The following ERCC8 variants were observed in gnomAD, a reference collection of about 807,000 sequenced individuals.
The protein encoded by ERCC8 is ERCC excision repair 8, CSA ubiquitin ligase complex subunit, also known as DNA excision repair protein ERCC-8.
ERCC8 carries 52 observed loss-of-function variants against 54.9 expected under a neutral mutation model. The ratio of observed to expected loss-of-function variants is 0.95; its 90% CI spans 0.76 to 1.19. ERCC8 has a LOEUF of 1.19. ERCC8 is among the 50% of genes most tolerant of loss of function. ERCC8 has a pLI of 0.00. For missense variants in ERCC8, 514 were observed against 466.1 expected (o/e 1.10, Z -0.95); for synonymous variants, 146 against 157.2 (o/e 0.93, Z 0.53).
chr5:60,922,585 T>C (rs1171133294), intron 2 of ERCC8, among the ~76,000 whole-genome samples: 16 of 152,076 alleles, frequency 1.1e-4, no homozygotes, highest in Admixed American at 1.0e-3. Flanking sequence ...ACTCAACATT[T>C]GTAAAGGAGG....
At chr5:60,930,874 A>G (rs566820151) in intron 1 of ERCC8, among the ~76,000 whole-genome samples, 47 of 152,302 alleles carry the variant, frequency 3.1e-4, no homozygotes, top group Non-Finnish European at 5.1e-4. Flanking sequence ...TGGGAGGCCA[A>G]GGAGGCCGGA....
At position 60,904,650 on chromosome 5, in the gene ERCC8, AT is replaced by A; in HGVS notation, c.481+141del. ...TGTGTGTGTGTATATATATATATAT[AT>A]ATATATATATATATATATATATATA... is the stretch of plus-strand genomic sequence containing the variant. On this transcript the variant is annotated intron_variant, in intron 5 of 11. Coordinates refer to ENST00000676185, the MANE Select transcript of ERCC8 (RefSeq NM_000082.4). 8.6e-5 allele frequency: 8 copies of A among 92,862 alleles called. 4 individuals carry two copies. In the South Asian group the frequency reaches 1.3e-3, roughly 15 times the overall value. 5.8% of individuals were successfully genotyped at this position (92,862 alleles called of 1,614,324 possible).
chr5:60,919,609 T>C (rs1032317118), intron 3 of ERCC8: 4 of 152,092 alleles, frequency 2.6e-5, no homozygotes, highest in African/African-American at 9.7e-5. Context: ...AATATTCATA[T>C]ATTTTAACTA....
At chr5:60,899,497 G>A in intron 8 of ERCC8, 130 bp downstream of exon 8, 4 of 677,976 alleles carry the variant, frequency 5.9e-6, no homozygotes, top group South Asian at 1.6e-5. Context: ...AGTGATATAC[G>A]ATGAATGCCT....
chr5:60,881,646 G>A (rs756373005), intron 11 of ERCC8, among the ~76,000 whole-genome samples: 4 of 152,178 alleles, frequency 2.6e-5, no homozygotes, highest in South Asian at 2.1e-4. Flanking sequence ...TGTGGGCGTC[G>A]GACCCTCCGA....
chr5:60,903,694 T>C lies in ERCC8; in HGVS notation c.504A>G (p.Val168=), dbSNP rs35366433. 1,677 of 1,612,736 alleles carry C rather than the reference T, an allele frequency of 1.0e-3. 20 individuals carry two copies. The African/African-American group carries it at 0.02, about 19-fold the overall frequency. ...LVAVGTRGPK[V]QLCDLKSGSC... ...ATCCAGACTTCAAGTCACAAAGTTGTACTTTGGGTCCTCTAGTACCAACTG... is the reference window on the plus strand; with the variant it reads ...ATCCAGACTTCAAGTCACAAAGTTGCACTTTGGGTCCTCTAGTACCAACTG... Residue 168 remains valine (V), a synonymous_variant, in exon 6 of 12, where the codon GTA becomes GTG. Coordinates refer to ENST00000676185, the MANE Select transcript of ERCC8 (RefSeq NM_000082.4).
At chr5:60,925,552 C>A (rs906927286) in intron 2 of ERCC8, among the ~76,000 whole-genome samples, 1 of 152,216 alleles carries the variant, frequency 6.6e-6, no homozygotes, top group African/African-American at 2.4e-5. Context: ...AAGTTTTCAA[C>A]CAACCTGTTG....
intron 4 of ERCC8, among the ~76,000 whole-genome samples, chr5:60,907,739 C>G (rs944523617): frequency 1.5e-4 from 23 of 152,282 alleles, no homozygotes; most frequent in African/African-American, 5.5e-4. Flanking sequence ...CATCTTAACA[C>G]CGCTTCCCTA....
rs1747874327 is a variant in ERCC8 at position 60,872,058 on chromosome 5, C to T, written c.*2557G>A. On this transcript the variant is annotated 3_prime_UTR_variant, in exon 12 of 12. Transcript: ENST00000676185. The stretch of plus-strand genomic sequence containing the variant: ...CTCAAGTGATCTGCCTGTCTCAGCT[C>T]ACAAAGTGTTAGGATTACAACCACC... 6.6e-6 allele frequency among the ~76,000 whole-genome samples: 1 copy of T among 152,144 alleles called. No homozygotes were observed. The highest frequency in any genetic ancestry group is 1.5e-5 in the Non-Finnish European group (1 of 68,032).
chr5:60,888,213 TTG>T (rs1422902494), intron 10 of ERCC8, among the ~76,000 whole-genome samples: 6 of 152,214 alleles, frequency 3.9e-5, no homozygotes, highest in African/African-American at 1.4e-4. Flanking sequence ...CATGGTATAA[TTG>T]TGTTTTTTAT....
chr5:60,870,421 G>T lies in ERCC8; in HGVS notation c.*4194C>A, dbSNP rs1468818953. ...GCACTTTGGGAGGCCGAGGCTGGTG[G>T]ATCACTAGAGCCCAGGAGTTCAAGA... On this transcript the variant is annotated 3_prime_UTR_variant, in exon 12 of 12. Transcript: ENST00000676185. Among the ~76,000 whole-genome samples, 1 of 141,576 alleles carries T rather than the reference G, an allele frequency of 7.1e-6. No homozygotes were observed. Among genetic ancestry groups the T allele is most frequent in the East Asian group, 2.1e-4 (1 of 4,754 alleles). 92.9% of individuals were successfully genotyped at this position (141,576 alleles called of 152,430 possible). A position where few individuals can be genotyped will look rare whatever the true frequency, so the allele number is the denominator to read the frequency against.
In ERCC8 at chr5:60,893,419, CTTT is replaced by C. The variant is rs1748626715; in HGVS notation, c.844-2336_844-2334del. 1.2e-5 allele frequency: 11 copies of C among 914,216 alleles called. No individual in the cohort carries two copies. In the Middle Eastern group the frequency reaches 6.6e-4, roughly 55 times the overall value. The allele number at this position is 914,216 out of a possible 1,614,324, so 56.6% of individuals were successfully genotyped here. ...TCTCCCTCATCTCCTCAACCCTCTTCTTTATTTCAGCCTCTCGATTGGCATGAT... is the reference window on the plus strand; with the variant it reads ...TCTCCCTCATCTCCTCAACCCTCTTCATTTCAGCCTCTCGATTGGCATGAT... On this transcript the variant is annotated intron_variant, in intron 9 of 11. Transcript: ENST00000676185.
chr5:60,934,796 C>G (rs1490496714), intron 1 of ERCC8, among the ~76,000 whole-genome samples: 1 of 152,178 alleles, frequency 6.6e-6, no homozygotes, highest in Non-Finnish European at 1.5e-5. Context: ...TGCCAATTGT[C>G]CCAGGACTAT....
At chr5:60,909,275 A>AAAAAAAAAAC (rs1749180209) in intron 4 of ERCC8, among the ~76,000 whole-genome samples, 1 of 107,998 alleles carries the variant, frequency 9.3e-6, no homozygotes, top group African/African-American at 3.2e-5. Context: ...AAAAAAAAAA[A>AAAAAAAAAAC]AAAGCCACAA....
chr5:60,883,002 C>T (rs1748287233), intron 11 of ERCC8, among the ~76,000 whole-genome samples: 1 of 151,474 alleles, frequency 6.6e-6, no homozygotes, highest in African/African-American at 2.4e-5. Context: ...CACACACACA[C>T]ACATGTCTGT....
At chr5:60,938,040 CATACATACATATAT>C (rs1453375636) in intron 1 of ERCC8, among the ~76,000 whole-genome samples, 148 of 32,448 alleles carry the variant, frequency 4.6e-3, no homozygotes, top group Middle Eastern at 0.029. Context: ...TACATACATA[CATACATACATATAT>C]ATATATATAT....
chr5:60,875,139 A>G (rs1747960509), intron 11 of ERCC8, among the ~76,000 whole-genome samples: 1 of 152,250 alleles, frequency 6.6e-6, no homozygotes, highest in African/African-American at 2.4e-5. Context: ...ACTTTTATAA[A>G]TAAACAAATA....
At chr5:60,902,654 GAT>G (rs1455485011) in intron 6 of ERCC8, 146 bp from the exon 7 acceptor site, 26 of 697,068 alleles carry the variant, frequency 3.7e-5, no homozygotes, top group African/African-American at 3.5e-4. Flanking sequence ...TATAATAATC[GAT>G]GTTTCAATGC....
rs1261357750 is a variant in ERCC8, at chr5:60,873,656, GAC to G, written c.*957_*958del. ...CAAAACACTGCACTCCGGCCTGAGC[GAC>G]AGAGTGAAACTCCATCTCAGGAAAA... On this transcript the variant is annotated 3_prime_UTR_variant, in exon 12 of 12. Coordinates refer to ENST00000676185, the MANE Select transcript of ERCC8 (RefSeq NM_000082.4). Among the ~76,000 whole-genome samples the G allele has an allele frequency of 6.6e-6, 1 of 152,004 alleles. No homozygotes were observed. The highest frequency in any genetic ancestry group is 2.4e-5 in the African/African-American group (1 of 41,394).
Sources: allele counts gnomAD v4.1 joint callset (sites outside exome capture counted in the v4.1 genomes callset), GRCh38; gene constraint gnomAD v4.1.1; transcripts MANE v1.5; gene names NCBI Gene and HGNC (gene_info 2026-07-23, HGNC 2026-07-21).